PEX11A: variants seen among roughly 807,000 people sequenced by gnomAD.
The protein encoded by PEX11A is peroxisomal membrane protein 11A.
Under a neutral mutation model 14.4 loss-of-function variants are expected in PEX11A, and 13 were observed. The ratio of observed to expected loss-of-function variants is 0.90; its 90% confidence interval spans 0.59 to 1.43. The LOEUF is 1.43. PEX11A is among the 40% of genes most tolerant of loss of function. PEX11A has a pLI of 0.00. For missense variants in PEX11A, 290 were observed against 302.8 expected (o/e 0.96, Z 0.31); for synonymous variants, 101 against 113.0 (o/e 0.89, Z 0.67).
Position 89,683,314 on chromosome 15 carries a change from A to T in PEX11A, c.*63T>A. The T allele has an allele frequency of 9.0e-7, 1 of 1,111,598 alleles. No individual in the cohort carries two copies. The highest frequency in any genetic ancestry group is 1.3e-6 in the Non-Finnish European group (1 of 758,088). 68.9% of individuals were successfully genotyped at this position (1,111,598 alleles called of 1,614,324 possible). ...TATGACATGGCCTGTGACTTATACA[A>T]ATGTCTGTCCCACCAAGAGGCCATC... On this transcript the variant is annotated 3_prime_UTR_variant, in exon 3 of 3. Transcript: ENST00000300056.
At chr15:89,689,826 C>G (rs916496720) in intron 1 of PEX11A, among the ~76,000 whole-genome samples, 1 of 152,118 alleles carries the variant, frequency 6.6e-6, no homozygotes, top group African/African-American at 2.4e-5. Flanking sequence ...TGTCTCTCCT[C>G]AAACATTTCA....
chr15:89,683,667 C>T lies in PEX11A; in HGVS notation c.454G>A (p.Asp152Asn), dbSNP rs1443419221. The change falls in exon 3 of 3, where the codon GAC becomes AAC. Residue 152 changes from aspartate to asparagine, a missense_variant. Asp to Asn is a conservative substitution (Grantham distance 23). Coordinates refer to ENST00000300056, the MANE Select transcript of PEX11A (RefSeq NM_003847.3). ...ISLQMKRVTCDRAKKEKSASQ... is the reference protein window; with the variant it reads ...ISLQMKRVTCNRAKKEKSASQ... The stretch of plus-strand genomic sequence containing the variant: ...GCTGATTTCTCTTTCTTTGCCCTGT[C>T]ACATGTAACTCGTTTCATCTGCAGG... 6.2e-7 allele frequency: 1 copy of T among 1,614,148 alleles called. No homozygotes were observed. The highest frequency in any genetic ancestry group is 1.7e-5 in the Admixed American group (1 of 60,028).
At position 89,681,612 on chromosome 15, in the gene PEX11A, T is replaced by C; in HGVS notation, c.*1765A>G. The stretch of plus-strand genomic sequence containing the variant: ...GACAATAAAAATAGTTATTTAAGCT[T>C]TTTATTTTCCCTGACCTAGTAGCTT... On this transcript the variant is annotated 3_prime_UTR_variant, in exon 3 of 3. Transcript: ENST00000300056. The C allele has an allele frequency of 1.5e-6, 1 of 661,778 alleles. No individual in the cohort carries two copies. The highest frequency in any genetic ancestry group is 2.7e-6 in the Non-Finnish European group (1 of 365,116). 41.0% of individuals were successfully genotyped at this position (661,778 alleles called of 1,614,324 possible). A position where few individuals can be genotyped will look rare whatever the true frequency, so the allele number is the denominator to read the frequency against.
chr15:89,685,564 GTTCTGAGCCT>G (rs1277206922), intron 2 of PEX11A, among the ~76,000 whole-genome samples: 1 of 151,848 alleles, frequency 6.6e-6, no homozygotes, highest in Non-Finnish European at 1.5e-5. Flanking sequence ...GGTTTACTCA[GTTCTGAGCCT>G]TTATTAGAGA....
chr15:89,684,509 T>C (rs1964649089), intron 2 of PEX11A, among the ~76,000 whole-genome samples: 1 of 152,234 alleles, frequency 6.6e-6, no homozygotes, highest in Non-Finnish European at 1.5e-5. Context: ...GTCTGATGCC[T>C]TGCATTTTAT....
Position 89,690,717 on chromosome 15 carries a change from C to A in PEX11A, c.-85G>T. ...GTCGGATCCCCAGGGAACGGTCAGT[C>A]CCAGGTTATCCGCTGAGGGGGAGGG... On this transcript the variant is annotated 5_prime_UTR_variant, in exon 1 of 3. Transcript: ENST00000300056. 5 of 954,704 alleles carry A rather than the reference C, an allele frequency of 5.2e-6. No homozygotes were observed. Among genetic ancestry groups the A allele is most frequent in the Non-Finnish European group, 8.0e-6 (5 of 628,006 alleles). 59.1% of individuals were successfully genotyped at this position (954,704 alleles called of 1,614,324 possible).
chr15:89,689,809 G>C (rs1284173946), intron 1 of PEX11A, among the ~76,000 whole-genome samples: 1 of 152,150 alleles, frequency 6.6e-6, no homozygotes, highest in African/African-American at 2.4e-5. Flanking sequence ...TAATGGAAGA[G>C]AACTTCTGTC....
chr15:89,686,024 T>C (rs1964670704), intron 2 of PEX11A, among the ~76,000 whole-genome samples: 1 of 152,232 alleles, frequency 6.6e-6, no homozygotes, highest in African/African-American at 2.4e-5. Flanking sequence ...ATATATCCTC[T>C]AGCACTCCTC....
At chr15:89,688,197 G>C (rs1964705316) in intron 1 of PEX11A, 1 of 536,192 alleles carries the variant, frequency 1.9e-6, no homozygotes, top group Non-Finnish European at 3.7e-6. Context: ...TTGTGGGGTT[G>C]GTGCTTGCCA....
intron 1 of PEX11A, among the ~76,000 whole-genome samples, chr15:89,688,723 T>C (rs545693343): frequency 4.7e-5 from 7 of 149,350 alleles, no homozygotes; most frequent in African/African-American, 1.7e-4. Flanking sequence ...TTAATGTTTT[T>C]ATTTTTTTTT....
At chr15:89,685,196 T>A (rs1596048649) in intron 2 of PEX11A, among the ~76,000 whole-genome samples, 2 of 89,600 alleles carry the variant, frequency 2.2e-5, no homozygotes, top group African/African-American at 4.8e-5. Flanking sequence ...AGAGTGAGAC[T>A]CCATCTCAAA....
At position 89,683,065 on chromosome 15, in the gene PEX11A, T is replaced by C. The variant is rs1267913751; in HGVS notation, c.*312A>G. 2 of 313,452 alleles carry C rather than the reference T, an allele frequency of 6.4e-6. No homozygotes were observed. Among genetic ancestry groups the C allele is most frequent in the African/African-American group, 4.3e-5 (2 of 46,088 alleles). 19.4% of individuals were successfully genotyped at this position (313,452 alleles called of 1,614,324 possible). On this transcript the variant is annotated 3_prime_UTR_variant, in exon 3 of 3. Coordinates refer to ENST00000300056, the MANE Select transcript of PEX11A (RefSeq NM_003847.3). ...GTGCGATTGGGTCTTTTTAAATTTTTTCCTTTCAATTTTTATTCATTCAGC... is the reference window on the plus strand; with the variant it reads ...GTGCGATTGGGTCTTTTTAAATTTTCTCCTTTCAATTTTTATTCATTCAGC...
At chr15:89,685,986 A>C (rs1356230599) in intron 2 of PEX11A, among the ~76,000 whole-genome samples, 2 of 152,192 alleles carry the variant, frequency 1.3e-5, no homozygotes, top group African/African-American at 4.8e-5. Context: ...ACCTACCTCA[A>C]ACATGGTCTA....
chr15:89,681,603 A>C lies in PEX11A; in HGVS notation c.*1774T>G. 1.5e-6 allele frequency: 1 copy of C among 669,118 alleles called. No individual in the cohort carries two copies. The highest frequency in any genetic ancestry group is 2.3e-5 in the Admixed American group (1 of 44,334). 41.4% of individuals were successfully genotyped at this position (669,118 alleles called of 1,614,324 possible). ...GAGGATCTGGACAATAAAAATAGTT[A>C]TTTAAGCTTTTTATTTTCCCTGACC... On this transcript the variant is annotated 3_prime_UTR_variant, in exon 3 of 3. Coordinates refer to ENST00000300056, the MANE Select transcript of PEX11A (RefSeq NM_003847.3).
intron 1 of PEX11A, among the ~76,000 whole-genome samples, chr15:89,689,083 A>T (rs1199490254): frequency 6.6e-6 from 1 of 152,188 alleles, no homozygotes; most frequent in Admixed American, 6.5e-5. Context: ...CACTGGAATT[A>T]CAGGTTTCTA....
intron 1 of PEX11A, 120 bp from the exon 2 acceptor site, chr15:89,686,666 G>A (rs1964681544): frequency 3.4e-6 from 2 of 588,032 alleles, no homozygotes; most frequent in African/African-American, 1.9e-5. Flanking sequence ...CATTTCTCAT[G>A]TAGCAACTCT....
rs1489442812 is a variant in PEX11A, at chr15:89,683,058, A to G, written c.*319T>C. 1 of 299,164 alleles carries G rather than the reference A, an allele frequency of 3.3e-6. No homozygotes were observed. Among genetic ancestry groups the G allele is most frequent in the Non-Finnish European group, 6.2e-6 (1 of 161,688 alleles). 18.5% of individuals were successfully genotyped at this position (299,164 alleles called of 1,614,324 possible). A position where few individuals can be genotyped will look rare whatever the true frequency, so the allele number is the denominator to read the frequency against. On this transcript the variant is annotated 3_prime_UTR_variant, in exon 3 of 3. Transcript: ENST00000300056. ...ATGATCAGTGCGATTGGGTCTTTTT[A>G]AATTTTTTCCTTTCAATTTTTATTC...
At chr15:89,690,298 G>C (rs960429085) in intron 1 of PEX11A, among the ~76,000 whole-genome samples, 1 of 152,238 alleles carries the variant, frequency 6.6e-6, no homozygotes, top group Non-Finnish European at 1.5e-5. Context: ...GGATCTGTCA[G>C]CCGGTGTCCC....
In PEX11A at chr15:89,683,299, C is replaced by G; in HGVS notation, c.*78G>C. The G allele has an allele frequency of 1.0e-6, 1 of 965,868 alleles. No homozygotes were observed. The highest frequency in any genetic ancestry group is 1.6e-6 in the Non-Finnish European group (1 of 628,038). The allele number at this position is 965,868 out of a possible 1,614,324, so 59.8% of individuals were successfully genotyped here. ...AGAACTTAAGCACAGTATGACATGG[C>G]CTGTGACTTATACAAATGTCTGTCC... On this transcript the variant is annotated 3_prime_UTR_variant, in exon 3 of 3. Coordinates refer to ENST00000300056, the MANE Select transcript of PEX11A (RefSeq NM_003847.3).
Sources: allele counts gnomAD v4.1 joint callset (sites outside exome capture counted in the v4.1 genomes callset), GRCh38; gene constraint gnomAD v4.1.1; transcripts MANE v1.5; gene names NCBI Gene and HGNC (gene_info 2026-07-23, HGNC 2026-07-21).